TTC7B: variants seen among roughly 807,000 people sequenced by gnomAD.
TTC7B encodes the protein tetratricopeptide repeat protein 7B.
TTC7B carries 28 observed loss-of-function variants against 106.8 expected under a neutral mutation model. The ratio of observed to expected loss-of-function variants is 0.26; its 90% CI spans 0.19 to 0.36. The LOEUF (loss-of-function observed/expected upper bound fraction) is 0.36, where lower values mean the gene tolerates loss of function less well. TTC7B is among the 10% of genes least tolerant of loss of function. The pLI is 1.00. For synonymous variants in TTC7B, 405 were observed against 430.6 expected (o/e 0.94, Z 0.74); for missense variants, 862 against 1,076.4 (o/e 0.80, Z 2.79).
At chr14:90,766,354 C>T (rs974307984) in intron 3 of TTC7B, among the ~76,000 whole-genome samples, 2 of 152,122 alleles carry the variant, frequency 1.3e-5, no homozygotes, top group East Asian at 1.9e-4. Context: ...GCAGATCTAC[C>T]AGACAAAGAA....
chr14:90,671,222 T>C (rs1488031791), intron 9 of TTC7B, among the ~76,000 whole-genome samples: 1 of 152,242 alleles, frequency 6.6e-6, no homozygotes, highest in Admixed American at 6.5e-5. Context: ...CTTTTCACTG[T>C]GCTCCCTGAT....
At chr14:90,598,818 T>C (rs1419717868) in intron 17 of TTC7B, among the ~76,000 whole-genome samples, 1 of 152,204 alleles carries the variant, frequency 6.6e-6, no homozygotes, top group Non-Finnish European at 1.5e-5. Flanking sequence ...CCAAAGTTCA[T>C]CATCCAAAGG....
In TTC7B at chr14:90,599,413, A is replaced by G. The variant is rs188977006; in HGVS notation, c.1967-5787T>C. Among the ~76,000 whole-genome samples, 318 of 152,306 alleles carry G rather than the reference A, an allele frequency of 2.1e-3. 2 individuals are homozygous for G. The highest frequency in any genetic ancestry group is 5.4e-3 in the South Asian group (26 of 4,822). On this transcript the variant is annotated intron_variant, in intron 17 of 19. Coordinates refer to ENST00000328459, the MANE Select transcript of TTC7B (RefSeq NM_001010854.2). ...ATCCTGCCCACCCGGTGACTTGGCG[A>G]GCATTCCAGTGCCAGGAACGACGGA...
chr14:90,760,881 A>G (rs946162909), intron 3 of TTC7B, among the ~76,000 whole-genome samples: 5 of 152,238 alleles, frequency 3.3e-5, no homozygotes, highest in African/African-American at 9.6e-5. Context: ...AAGAATTCCA[A>G]TGTTTCCCCA....
chr14:90,730,746 G>A (rs1734942283), intron 4 of TTC7B, among the ~76,000 whole-genome samples: 1 of 152,198 alleles, frequency 6.6e-6, no homozygotes, highest in African/African-American at 2.4e-5. Context: ...AACCTGGTGA[G>A]GTTGGGCTGC....
rs1278063156 is a variant in TTC7B, at chr14:90,759,548, CCAGAGAGT to C, written c.446-14634_446-14627del. On this transcript the variant is annotated intron_variant, in intron 3 of 19. Coordinates refer to ENST00000328459, the MANE Select transcript of TTC7B (RefSeq NM_001010854.2). This position sits in a 1 kb window ranked among gnomAD's most constrained non-coding sequence, Gnocchi z 4.1. ...GAGGCGAAAACTGCATTAAGGAGGC[CCAGAGAGT>C]CACCTGCTGTCAGAGGAAATGAGCA... Among the ~76,000 whole-genome samples, 1 of 152,040 alleles carries C rather than the reference CCAGAGAGT, an allele frequency of 6.6e-6. No individual in the cohort carries two copies. Among genetic ancestry groups the C allele is most frequent in the Non-Finnish European group, 1.5e-5 (1 of 68,012 alleles).
At position 90,694,945 on chromosome 14, in the gene TTC7B, ATATT is replaced by A. The variant is rs1399046201; in HGVS notation, c.777+551_777+554del. Among the ~76,000 whole-genome samples the A allele has an allele frequency of 2.0e-4, 28 of 136,812 alleles. 1 individual carries two copies. In the South Asian group the frequency reaches 6.5e-3, roughly 32 times the overall value. The allele number at this position is 136,812 out of a possible 152,430, so 89.8% of individuals were successfully genotyped here. A position where few individuals can be genotyped will look rare whatever the true frequency, so the allele number is the denominator to read the frequency against. On this transcript the variant is annotated intron_variant, in intron 6 of 19. Transcript: ENST00000328459. ...TAAATATATGTATAATATGTCACAT[ATATT>A]TATTATAAATATATGTATAATATAT...
chr14:90,785,690 G>T (rs1453081738), intron 2 of TTC7B, among the ~76,000 whole-genome samples: 2 of 152,166 alleles, frequency 1.3e-5, no homozygotes, highest in Non-Finnish European at 2.9e-5. Context: ...GAGGGTTCTT[G>T]CTGAGACGTG....
chr14:90,760,944 T>C (rs1390639827), intron 3 of TTC7B, among the ~76,000 whole-genome samples: 1 of 152,222 alleles, frequency 6.6e-6, no homozygotes, highest in Non-Finnish European at 1.5e-5. Flanking sequence ...ACCAATCCAG[T>C]ATCTTCCCTC....
intron 2 of TTC7B, among the ~76,000 whole-genome samples, chr14:90,781,678 A>G (rs541061172): frequency 6.6e-6 from 1 of 152,282 alleles, no homozygotes; most frequent in East Asian, 1.9e-4. Flanking sequence ...AGCCTTCCCA[A>G]ATGGATGTGA....
intron 5 of TTC7B, among the ~76,000 whole-genome samples, chr14:90,714,456 A>ATT (rs1566851562): frequency 6.6e-4 from 65 of 98,818 alleles, no homozygotes; most frequent in African/African-American, 2.7e-3. Flanking sequence ...CAGCTGTATA[A>ATT]ATTTTTTTTT....
chr14:90,754,827 A>G (rs1566871676), intron 3 of TTC7B, among the ~76,000 whole-genome samples: 1 of 152,206 alleles, frequency 6.6e-6, no homozygotes, highest in Non-Finnish European at 1.5e-5. Context: ...TGAAATTGTA[A>G]GGTATGTGAT....
Position 90,538,740 on chromosome 14 carries a change from G to A in TTC7B, c.*2628C>T, listed in dbSNP as rs1346999043. On this transcript the variant is annotated 3_prime_UTR_variant, in exon 20 of 20. Transcript: ENST00000328459. ...GTACCAAGGACGGCAGGACTTTCCT[G>A]CATTTCTTAGGTACCTTTTAGGTAG... The A allele has an allele frequency of 6.6e-6, 1 of 152,186 alleles. No individual in the cohort carries two copies. The highest frequency in any genetic ancestry group is 1.5e-5 in the Non-Finnish European group (1 of 68,038). 9.4% of individuals were successfully genotyped at this position (152,186 alleles called of 1,614,324 possible).
At chr14:90,671,873 C>T (rs1302977921) in intron 9 of TTC7B, among the ~76,000 whole-genome samples, 1 of 152,206 alleles carries the variant, frequency 6.6e-6, no homozygotes, top group Non-Finnish European at 1.5e-5. Context: ...AGCAGCCTTC[C>T]ATCTTGAATA....
At chr14:90,658,773 T>C (rs1477568265) in intron 9 of TTC7B, among the ~76,000 whole-genome samples, 2 of 152,168 alleles carry the variant, frequency 1.3e-5, no homozygotes, top group Non-Finnish European at 2.9e-5. Context: ...GAATAGAAAC[T>C]GAGCTGGGCC....
intron 16 of TTC7B, 53 bp from the exon 17 acceptor site, chr14:90,610,892 G>A: frequency 2.3e-6 from 3 of 1,284,294 alleles, no homozygotes; most frequent in Non-Finnish European, 3.4e-6. Context: ...AGGAGGGAAG[G>A]AAAGAGAGGC....
chr14:90,807,809 G>C lies in TTC7B; in HGVS notation c.121+8366C>G, dbSNP rs1317147354. Among the ~76,000 whole-genome samples, 1 of 152,144 alleles carries C rather than the reference G, an allele frequency of 6.6e-6. No homozygotes were observed. The highest frequency in any genetic ancestry group is 1.5e-5 in the Non-Finnish European group (1 of 68,030). On this transcript the variant is annotated intron_variant, in intron 1 of 19. Coordinates refer to ENST00000328459, the MANE Select transcript of TTC7B (RefSeq NM_001010854.2). This position sits in a 1 kb window ranked among gnomAD's most constrained non-coding sequence, Gnocchi z 4.1. ...TAAACTACACTTAGTTTAGTATTTG[G>C]CTCAAAGCATGCTGCATACCTGCAA...
At chr14:90,798,743 C>T (rs1234614722) in intron 1 of TTC7B, among the ~76,000 whole-genome samples, 1 of 126,332 alleles carries the variant, frequency 7.9e-6, no homozygotes, top group East Asian at 2.4e-4. Flanking sequence ...CACGCAATAA[C>T]ATGTTTTCTT....
At chr14:90,726,478 C>T (rs1016977478) in intron 5 of TTC7B, among the ~76,000 whole-genome samples, 4 of 152,188 alleles carry the variant, frequency 2.6e-5, no homozygotes, top group African/African-American at 4.8e-5. Context: ...CAGGACGTGA[C>T]CTGAATCTGG....
Sources: gnomAD v4.1 joint callset for allele counts (sites outside exome capture counted in the v4.1 genomes callset) on GRCh38, gnomAD v4.1.1 for gene constraint, Gnocchi (gnomAD v3.1) non-coding constraint, MANE v1.5 for transcripts, NCBI Gene and HGNC (gene_info 2026-07-23, HGNC 2026-07-21) for gene names.